Variants in AGBL4 observed in about 807,000 individuals in gnomAD.
AGBL4 encodes the protein AGBL carboxypeptidase 4, also known as cytosolic carboxypeptidase 6.
In AGBL4, 58 loss-of-function variants were observed where a neutral mutation model predicts 66.4. That is an observed-to-expected ratio of 0.87 (90% CI 0.71 to 1.09). The LOEUF is 1.09. Ranked by LOEUF, AGBL4 falls within the 50% of genes least tolerant of loss-of-function variation. AGBL4 has a pLI of 0.00. For synonymous variants in AGBL4, 234 were observed against 222.9 expected, an observed-to-expected ratio of 1.05 and a Z score of -0.44; for missense variants, 579 against 631.0, an observed-to-expected ratio of 0.92 and a Z score of 0.88.
chr1:49,047,527 C>T (rs1644109547), intron 4 of AGBL4, among the ~76,000 whole-genome samples: 1 of 152,086 alleles, frequency 6.6e-6, no homozygotes, highest in Non-Finnish European at 1.5e-5. Context: ...CTTCTTCTAA[C>T]TAGATTGCTA....
At chr1:49,809,512 G>A (rs1645052696) in intron 2 of AGBL4, among the ~76,000 whole-genome samples, 1 of 151,996 alleles carries the variant, frequency 6.6e-6, no homozygotes. Flanking sequence ...TATAAAAGGA[G>A]CATTGCAACA....
At chr1:49,835,522 T>C (rs562703407) in intron 2 of AGBL4, among the ~76,000 whole-genome samples, 10 of 152,328 alleles carry the variant, frequency 6.6e-5, no homozygotes, top group Non-Finnish European at 1.3e-4. Context: ...TGACTCTTTA[T>C]CCAACTTGCC....
intron 3 of AGBL4, among the ~76,000 whole-genome samples, chr1:49,263,291 AACTT>A (rs921608268): frequency 2.6e-5 from 4 of 152,130 alleles, no homozygotes; most frequent in African/African-American, 9.7e-5. Context: ...TGTACCCTAA[AACTT>A]AAAGTATAAT....
chr1:48,591,187 G>A (rs890740570), intron 9 of AGBL4, among the ~76,000 whole-genome samples: 5 of 149,580 alleles, frequency 3.3e-5, no homozygotes, highest in Admixed American at 1.4e-4. Context: ...GACAGGTGAC[G>A]ACCAATTCCT....
intron 3 of AGBL4, among the ~76,000 whole-genome samples, chr1:49,466,067 T>G (rs1275080128): frequency 1.3e-5 from 2 of 151,852 alleles, no homozygotes; most frequent in Admixed American, 1.3e-4. Context: ...TTCACAGCAA[T>G]CCCAGGTTCA....
chr1:49,961,145 G>T (rs551535456), intron 1 of AGBL4, among the ~76,000 whole-genome samples: 1 of 152,190 alleles, frequency 6.6e-6, no homozygotes, highest in African/African-American at 2.4e-5. Context: ...GATCCATGTA[G>T]TAGAATGGGA....
At chr1:48,651,924 C>G (rs1456342724) in intron 8 of AGBL4, among the ~76,000 whole-genome samples, 1 of 152,224 alleles carries the variant, frequency 6.6e-6, no homozygotes, top group Non-Finnish European at 1.5e-5. Flanking sequence ...TTTTAGGCAT[C>G]TACCATGTGC....
chr1:49,796,660 T>C (rs971815324), intron 2 of AGBL4, among the ~76,000 whole-genome samples: 1 of 151,556 alleles, frequency 6.6e-6, no homozygotes, highest in African/African-American at 2.4e-5. Context: ...AGAACTATGT[T>C]TCTGCTTTTT....
chr1:49,479,343 G>C (rs1646908115), intron 3 of AGBL4, among the ~76,000 whole-genome samples: 1 of 151,684 alleles, frequency 6.6e-6, no homozygotes, highest in Non-Finnish European at 1.5e-5. Flanking sequence ...AGTATGTGCG[G>C]GTATGTTACA....
At chr1:49,298,063 G>A (rs1045117799) in intron 3 of AGBL4, among the ~76,000 whole-genome samples, 18 of 152,132 alleles carry the variant, frequency 1.2e-4, no homozygotes, top group African/African-American at 4.1e-4. Flanking sequence ...GCCTCTCCAA[G>A]CAGTAACACA....
chr1:48,966,627 A>G (rs1658443830), intron 5 of AGBL4, among the ~76,000 whole-genome samples: 1 of 152,196 alleles, frequency 6.6e-6, no homozygotes, highest in Non-Finnish European at 1.5e-5. Flanking sequence ...TCTAATGCCT[A>G]TGGTACAATT....
chr1:48,737,314 A>G (rs938973929), intron 6 of AGBL4, among the ~76,000 whole-genome samples: 1 of 152,114 alleles, frequency 6.6e-6, no homozygotes, highest in African/African-American at 2.4e-5. Flanking sequence ...GAAAAGAAAA[A>G]AAAATCATCA....
intron 3 of AGBL4, chr1:49,527,700 G>C (rs974350332): frequency 6.6e-6 from 1 of 152,042 alleles, no homozygotes; most frequent in Admixed American, 6.6e-5. Context: ...TGGGGAATTT[G>C]CCACCATTCT....
At chr1:49,347,293 C>T (rs1489241987) in intron 3 of AGBL4, among the ~76,000 whole-genome samples, 1 of 149,676 alleles carries the variant, frequency 6.7e-6, no homozygotes, top group African/African-American at 2.5e-5. Context: ...GCTCTGTCAC[C>T]CAGGCTGGAG....
intron 3 of AGBL4, among the ~76,000 whole-genome samples, chr1:49,590,724 T>C (rs955526789): frequency 1.3e-5 from 2 of 152,082 alleles, no homozygotes; most frequent in African/African-American, 4.8e-5. Context: ...TTCCCACAAC[T>C]ACTATTATCT....
chr1:48,884,300 T>G (rs1650078043), intron 5 of AGBL4, among the ~76,000 whole-genome samples: 1 of 117,596 alleles, frequency 8.5e-6, no homozygotes, highest in African/African-American at 2.5e-5. Flanking sequence ...GTTTGTTTGT[T>G]TTTTTGTTTT....
intron 1 of AGBL4, among the ~76,000 whole-genome samples, chr1:49,919,575 A>T (rs982529727): frequency 2.1e-4 from 32 of 152,158 alleles, no homozygotes; most frequent in Non-Finnish European, 2.9e-5. Flanking sequence ...ACCACTGGTC[A>T]AGGAAATAAA....
At chr1:49,541,280 C>G (rs1221656331) in intron 3 of AGBL4, among the ~76,000 whole-genome samples, 1 of 152,208 alleles carries the variant, frequency 6.6e-6, no homozygotes, top group Non-Finnish European at 1.5e-5. Context: ...GAGCCCCTCT[C>G]TGGGCTGGCC....
rs563791581 is a variant in AGBL4, at chr1:49,919,185, C to T, written c.35-67667G>A. ...TTTGAAAACTGGCACAAGACAGGGA[C>T]GACCTCTCTCACCACTCCTATTCAA... On this transcript the variant is annotated intron_variant, in intron 1 of 13. Transcript: ENST00000371839. 7.2e-4 allele frequency among the ~76,000 whole-genome samples: 110 copies of T among 152,144 alleles called. 1 individual carries two copies. Among genetic ancestry groups the T allele is most frequent in the African/African-American group, 2.2e-3 (92 of 41,520 alleles).
Sources: allele counts gnomAD v4.1 joint callset (sites outside exome capture counted in the v4.1 genomes callset), GRCh38; gene constraint gnomAD v4.1.1; transcripts MANE v1.5; gene names NCBI Gene and HGNC (gene_info 2026-07-23, HGNC 2026-07-21).